The following STAC2 variants were observed in gnomAD, a reference collection of about 807,000 sequenced individuals.
STAC2 encodes SH3 and cysteine rich domain 2, also known as SH3 and cysteine-rich domain-containing protein 2.
Under a neutral mutation model 49.0 loss-of-function variants are expected in STAC2, and 36 were observed. The ratio of observed to expected loss-of-function variants is 0.74; its 90% CI spans 0.56 to 0.97. The LOEUF is 0.97. STAC2 is among the 50% of genes least tolerant of loss of function. STAC2 has a pLI of 0.00. For synonymous variants in STAC2, 239 were observed against 214.7 expected, an observed-to-expected ratio of 1.11 and a Z score of -0.99; for missense variants, 527 against 543.8, an observed-to-expected ratio of 0.97 and a Z score of 0.31.
intron 1 of STAC2, 49 bp from the exon 2 acceptor site, chr17:39,218,222 C>T (rs1424655390): frequency 2.5e-6 from 4 of 1,605,010 alleles, no homozygotes; most frequent in Admixed American, 1.7e-5. Flanking sequence ...GGGGGCTGGC[C>T]AGGGCGGGCT....
chr17:39,212,458 G>T, intron 10 of STAC2, 62 bp from the exon 11 acceptor site: 2 of 1,368,132 alleles, frequency 1.5e-6, no homozygotes, highest in Non-Finnish European at 2.0e-6. Context: ...CCTGAGTCCT[G>T]CCCATGGCCC....
chr17:39,224,549 G>T (rs560135317), intron 1 of STAC2, among the ~76,000 whole-genome samples: 1 of 152,256 alleles, frequency 6.6e-6, no homozygotes, highest in Admixed American at 6.5e-5. Flanking sequence ...TTCAGCGCCA[G>T]GAGTCTGGGC....
intron 1 of STAC2, among the ~76,000 whole-genome samples, chr17:39,224,160 C>T (rs1222284780): frequency 6.6e-6 from 1 of 152,158 alleles, no homozygotes; most frequent in Non-Finnish European, 1.5e-5. Context: ...AACCTCAGCT[C>T]CTGCGGGATG....
Position 39,224,700 on chromosome 17 carries a change from C to G in STAC2, c.90+713G>C, listed in dbSNP as rs1439494615. Among the ~76,000 whole-genome samples, 7 of 152,312 alleles carry G rather than the reference C, an allele frequency of 4.6e-5. No individual in the cohort carries two copies. In the East Asian group the frequency reaches 1.4e-3, roughly 29 times the overall value. ...TCTACCCGCTCCCCCTCCTCTGGTC[C>G]CGCTCCCGTGGTGGGGCGCGGGGCT... On this transcript the variant is annotated intron_variant, in intron 1 of 10. Transcript: ENST00000333461.
chr17:39,211,507 A>T lies in STAC2; in HGVS notation c.*785T>A, dbSNP rs1300920877. The T allele has an allele frequency of 6.6e-6, 1 of 152,000 alleles. No individual in the cohort carries two copies. Among genetic ancestry groups the T allele is most frequent in the Non-Finnish European group, 1.5e-5 (1 of 67,992 alleles). The allele number at this position is 152,000 out of a possible 1,614,324, so 9.4% of individuals were successfully genotyped here. A position where few individuals can be genotyped will look rare whatever the true frequency, so the allele number is the denominator to read the frequency against. On this transcript the variant is annotated 3_prime_UTR_variant, in exon 11 of 11. Coordinates refer to ENST00000333461, the MANE Select transcript of STAC2 (RefSeq NM_198993.5). ...CACCATGTTGGCCAGGCTGGTCTTG[A>T]ACTCCTGACCTCAGGTGATCTGCCC...
chr17:39,212,151 C>T lies in STAC2; in HGVS notation c.*141G>A. On this transcript the variant is annotated 3_prime_UTR_variant, in exon 11 of 11. Transcript: ENST00000333461. ...AAAATCTTCCCCAGTACAAAAGGCT[C>T]CTAAGCCACGGTAAGTGGCACCTAG... The T allele has an allele frequency of 5.8e-6, 3 of 513,170 alleles. No homozygotes were observed. The highest frequency in any genetic ancestry group is 1.1e-5 in the Non-Finnish European group (3 of 284,266). 31.8% of individuals were successfully genotyped at this position (513,170 alleles called of 1,614,324 possible).
chr17:39,222,393 G>A (rs1473194667), intron 1 of STAC2, among the ~76,000 whole-genome samples: 2 of 152,216 alleles, frequency 1.3e-5, no homozygotes, highest in African/African-American at 4.8e-5. Flanking sequence ...GGGGGGTGGA[G>A]AAGCGAGAAG....
rs1386361578 is a variant in STAC2, at chr17:39,225,255, C to T, written c.90+158G>A. ...TCGGGGGCTCCTTGTGGCCCCTCGT[C>T]GCCAACCCACTCCTACCCCCGGGAG... On this transcript the variant is annotated intron_variant, in intron 1 of 10. Transcript: ENST00000333461. The surrounding 1 kb of genome is among the most constrained non-coding windows in gnomAD (Gnocchi z 8.2). Among the ~76,000 whole-genome samples the T allele has an allele frequency of 2.6e-5, 4 of 152,158 alleles. No homozygotes were observed. The highest frequency in any genetic ancestry group is 9.7e-5 in the African/African-American group (4 of 41,450).
At chr17:39,218,258 G>A in intron 1 of STAC2, 85 bp from the exon 2 acceptor site, 12 of 1,444,490 alleles carry the variant, frequency 8.3e-6, no homozygotes, top group Non-Finnish European at 1.2e-5. Flanking sequence ...TCTGGCGGTA[G>A]GGGCGGCAGC....
Position 39,225,055 on chromosome 17 carries a change from T to C in STAC2, c.90+358A>G, listed in dbSNP as rs2046498615. Among the ~76,000 whole-genome samples the C allele has an allele frequency of 1.3e-5, 2 of 151,972 alleles. No individual in the cohort carries two copies. The highest frequency in any genetic ancestry group is 2.9e-5 in the Non-Finnish European group (2 of 67,946). On this transcript the variant is annotated intron_variant, in intron 1 of 10. Coordinates refer to ENST00000333461, the MANE Select transcript of STAC2 (RefSeq NM_198993.5). The surrounding 1 kb of genome is among the most constrained non-coding windows in gnomAD (Gnocchi z 8.2). ...TAGAGGCGCGGACTGAGCCCGGGAC[T>C]GGGACCCGGCGGCCGCTGGAGGGTG...
Position 39,224,113 on chromosome 17 carries a change from C to G in STAC2, c.90+1300G>C, listed in dbSNP as rs908687504. 2.0e-5 allele frequency among the ~76,000 whole-genome samples: 3 copies of G among 152,114 alleles called. No individual in the cohort carries two copies. The South Asian group carries it at 6.2e-4, about 31-fold the overall frequency. On this transcript the variant is annotated intron_variant, in intron 1 of 10. Coordinates refer to ENST00000333461, the MANE Select transcript of STAC2 (RefSeq NM_198993.5). ...CTCCACCCTGACCCTACGGCCTCCT[C>G]CTCCGGTCACTCCCTTGATGACCTT...
chr17:39,210,646 T>TG lies in STAC2; in HGVS notation c.*1645dup, dbSNP rs35966204. 43,673 of 141,598 alleles carry TG rather than the reference T, an allele frequency of 0.31. 6,781 individuals are homozygous for TG. Among genetic ancestry groups the TG allele is most frequent in the South Asian group, 0.44 (1,891 of 4,290 alleles). The allele number at this position is 141,598 out of a possible 1,614,324, so 8.8% of individuals were successfully genotyped here. A position where few individuals can be genotyped will look rare whatever the true frequency, so the allele number is the denominator to read the frequency against. On this transcript the variant is annotated 3_prime_UTR_variant, in exon 11 of 11. Coordinates refer to ENST00000333461, the MANE Select transcript of STAC2 (RefSeq NM_198993.5). ...ATTGGGCCCGCCCCTGGGATATTGC[T>TG]GGGGGGGGGGGCCTCATGGCAGCAA... is the stretch of plus-strand genomic sequence containing the variant.
Position 39,225,541 on chromosome 17 carries a change from C to A in STAC2, c.-39G>T. 1.3e-6 allele frequency: 2 copies of A among 1,592,408 alleles called. No homozygotes were observed. Among genetic ancestry groups the A allele is most frequent in the Non-Finnish European group, 1.7e-6 (2 of 1,166,564 alleles). ...GGGAGGAGAGGGTGCCGAGATCCGA[C>A]GGCAGGCCCACCGCGGGCAGGCTGC... is the stretch of plus-strand genomic sequence containing the variant. On this transcript the variant is annotated 5_prime_UTR_variant, in exon 1 of 11. Transcript: ENST00000333461. This position sits in a 1 kb window ranked among gnomAD's most constrained non-coding sequence, Gnocchi z 8.2.
At position 39,213,083 on chromosome 17, in the gene STAC2, C is replaced by G. The variant is rs1277520723; in HGVS notation, c.1043G>C (p.Arg348Pro). 1.2e-6 allele frequency: 2 copies of G among 1,613,046 alleles called. No individual in the cohort carries two copies. Among genetic ancestry groups the G allele is most frequent in the Non-Finnish European group, 1.7e-6 (2 of 1,180,042 alleles). Residue 348 changes from arginine to proline, a missense_variant, in exon 10 of 11, where the codon CGG becomes CCG. Physicochemically the swap from Arg to Pro is moderately radical, Grantham distance 103. Transcript: ENST00000333461. ...VGFFPANFVQ[R>P]VRPGENVWRC... The stretch of plus-strand genomic sequence containing the variant: ...CCAAACATTCTCGCCTGGCCTCACC[C>G]GTTGCACAAAATTAGCTGGGAAGAA...
intron 8 of STAC2, among the ~76,000 whole-genome samples, chr17:39,213,966 C>T (rs1673849): frequency 0.057 from 8,599 of 152,164 alleles, 278 homozygotes; most frequent in Non-Finnish European, 0.071. Context: ...GGTGAGCCAC[C>T]GCGCCCCGCT....
Position 39,212,214 on chromosome 17 carries a change from G to T in STAC2, c.*78C>A. 1 of 1,058,358 alleles carries T rather than the reference G, an allele frequency of 9.4e-7. No homozygotes were observed. Among genetic ancestry groups the T allele is most frequent in the East Asian group, 2.6e-5 (1 of 38,636 alleles). The allele number at this position is 1,058,358 out of a possible 1,614,324, so 65.6% of individuals were successfully genotyped here. ...GGGAGGAAGGGTATGGAGTGGACAA[G>T]GGGGCCTGATCCCCTCCCTGGCCAG... is the stretch of plus-strand genomic sequence containing the variant. On this transcript the variant is annotated 3_prime_UTR_variant, in exon 11 of 11. Coordinates refer to ENST00000333461, the MANE Select transcript of STAC2 (RefSeq NM_198993.5).
At chr17:39,212,502 G>A in intron 10 of STAC2, 106 bp from the exon 11 acceptor site, 1 of 783,396 alleles carries the variant, frequency 1.3e-6, no homozygotes, top group Non-Finnish European at 2.1e-6. Context: ...GATGGGACCA[G>A]TGTCAGATGT....
intron 1 of STAC2, among the ~76,000 whole-genome samples, chr17:39,220,063 C>T (rs1443346073): frequency 1.3e-5 from 2 of 152,186 alleles, no homozygotes; most frequent in African/African-American, 2.4e-5. Context: ...GTTGGGAGGC[C>T]AAAGCCCTGG....
chr17:39,224,065 C>G (rs549888827), intron 1 of STAC2, among the ~76,000 whole-genome samples: 5 of 152,192 alleles, frequency 3.3e-5, no homozygotes, highest in African/African-American at 4.8e-5. Context: ...AGGATGGGGG[C>G]TCCCTGGGGT....
Sources: allele counts gnomAD v4.1 joint callset (sites outside exome capture counted in the v4.1 genomes callset), GRCh38; gene constraint gnomAD v4.1.1; non-coding constraint Gnocchi (gnomAD v3.1); transcripts MANE v1.5; gene names NCBI Gene and HGNC (gene_info 2026-07-23, HGNC 2026-07-21).